Variants in ELAVL3 observed in about 807,000 individuals in gnomAD.
ELAVL3 encodes the protein ELAV like RNA binding protein 3.
Under a neutral mutation model 34.2 loss-of-function variants are expected in ELAVL3, and 8 were observed. That is an observed-to-expected ratio of 0.23 (90% CI 0.14 to 0.42). The LOEUF (loss-of-function observed/expected upper bound fraction) is 0.42, where lower values mean the gene tolerates loss of function less well. Among genes scored for constraint, ELAVL3 ranks in the 10% least tolerant of loss-of-function variants. ELAVL3 has a pLI of 1.00. For missense variants in ELAVL3, 273 were observed against 518.8 expected, an observed-to-expected ratio of 0.53 and a Z score of 4.60; for synonymous variants, 209 against 222.1, an observed-to-expected ratio of 0.94 and a Z score of 0.53.
At chr19:11,472,773 G>A (rs1166175803) in intron 1 of ELAVL3, among the ~76,000 whole-genome samples, 2 of 151,888 alleles carry the variant, frequency 1.3e-5, no homozygotes, top group South Asian at 2.1e-4. Context: ...AAAGGAGAAG[G>A]AGAAGAAGAA....
intron 6 of ELAVL3, 94 bp downstream of exon 6, chr19:11,457,016 G>T: frequency 8.3e-7 from 1 of 1,207,736 alleles, no homozygotes; most frequent in Non-Finnish European, 1.1e-6. Flanking sequence ...AGGCAAACAA[G>T]GCTAAGCCTG....
chr19:11,455,747 A>G (rs1013208024), intron 6 of ELAVL3, among the ~76,000 whole-genome samples: 4 of 152,012 alleles, frequency 2.6e-5, no homozygotes, highest in Non-Finnish European at 5.9e-5. Context: ...TTTTCAAATC[A>G]TATATTTATT....
chr19:11,457,297 C>T, intron 5 of ELAVL3, 149 bp from the exon 6 acceptor site: 2 of 853,986 alleles, frequency 2.3e-6, no homozygotes, highest in Admixed American at 7.1e-5. Flanking sequence ...CGGCTAGACA[C>T]TGCCTGGCAC....
At chr19:11,476,165 GC>G (rs1456272818) in intron 1 of ELAVL3, among the ~76,000 whole-genome samples, 1 of 152,190 alleles carries the variant, frequency 6.6e-6, no homozygotes, top group East Asian at 1.9e-4. Flanking sequence ...GTATTGAGGT[GC>G]CTGTTGTGTG....
At chr19:11,479,960 TC>T (rs1267875828) in intron 1 of ELAVL3, among the ~76,000 whole-genome samples, 3 of 133,842 alleles carry the variant, frequency 2.2e-5, no homozygotes, top group Non-Finnish European at 4.9e-5. Context: ...CCCCTCCCCC[TC>T]CCCGCAGCCC....
rs1270821240 is a variant in ELAVL3, at chr19:11,462,640, A to G, written c.333+3532T>C. ...AACAGAGCAAGATTCCATCTCAGAAAAATAAATAAATTAATTAAGAAATAA... is the reference window on the plus strand; with the variant it reads ...AACAGAGCAAGATTCCATCTCAGAAGAATAAATAAATTAATTAAGAAATAA... On this transcript the variant is annotated intron_variant, in intron 3 of 6. Transcript: ENST00000359227. Among the ~76,000 whole-genome samples the G allele has an allele frequency of 2.1e-5, 3 of 146,286 alleles. No individual in the cohort carries two copies. The East Asian group carries it at 6.3e-4, about 31-fold the overall frequency.
chr19:11,457,389 C>T (rs544133711), intron 5 of ELAVL3, among the ~76,000 whole-genome samples: 1 of 152,372 alleles, frequency 6.6e-6, no homozygotes, highest in South Asian at 2.1e-4. Context: ...CATCCTCCCC[C>T]TCCTGGCTGG....
At chr19:11,472,219 G>A (rs1971177790) in intron 1 of ELAVL3, among the ~76,000 whole-genome samples, 3 of 152,134 alleles carry the variant, frequency 2.0e-5, no homozygotes, top group Non-Finnish European at 2.9e-5. Context: ...GGTAGTGGAC[G>A]CCTGTAATCC....
chr19:11,465,019 A>G (rs1971004838), intron 3 of ELAVL3, among the ~76,000 whole-genome samples: 2 of 130,224 alleles, frequency 1.5e-5, no homozygotes, highest in South Asian at 5.2e-4. Flanking sequence ...ATACATACAC[A>G]TACACACACC....
chr19:11,458,531 C>G lies in ELAVL3; in HGVS notation c.414G>C (p.Gln138His), dbSNP rs1311134575. The G allele has an allele frequency of 6.2e-7, 1 of 1,614,060 alleles. No individual in the cohort carries two copies. The highest frequency in any genetic ancestry group is 8.5e-7 in the Non-Finnish European group (1 of 1,180,048). ...YVSGLPKTMS[Q>H]KEMEQLFSQY... ...GGGAGAAGAGCTGCTCCATCTCTTT[C>G]TGGCTCATGGTCTTGGGGAGCCCGC... Residue 138 changes from glutamine (Q) to histidine (H), a missense_variant, in exon 4 of 7, where the codon CAG (glutamine) becomes CAC (histidine). Gln to His is a conservative substitution (Grantham distance 24, BLOSUM62 0). Coordinates refer to ENST00000359227, the MANE Select transcript of ELAVL3 (RefSeq NM_001420.4). The surrounding 1 kb of genome is among the most constrained non-coding windows in gnomAD (Gnocchi z 7.3).
intron 1 of ELAVL3, among the ~76,000 whole-genome samples, chr19:11,471,202 C>T (rs1971156400): frequency 6.6e-6 from 1 of 151,816 alleles, no homozygotes; most frequent in Non-Finnish European, 1.5e-5. Flanking sequence ...CTCAGCTACT[C>T]AGGAGGCTGA....
At chr19:11,462,752 A>G (rs1467787716) in intron 3 of ELAVL3, among the ~76,000 whole-genome samples, 2 of 151,580 alleles carry the variant, frequency 1.3e-5, no homozygotes, top group Non-Finnish European at 2.9e-5. Flanking sequence ...TGAGGTTGGG[A>G]GTTCGAGACC....
At chr19:11,461,805 G>A (rs1461626364) in intron 3 of ELAVL3, among the ~76,000 whole-genome samples, 1 of 152,070 alleles carries the variant, frequency 6.6e-6, no homozygotes, top group Non-Finnish European at 1.5e-5. Flanking sequence ...TGATAGATAG[G>A]GGTCATTGTC....
At chr19:11,464,891 AC>A (rs144134440) in intron 3 of ELAVL3, among the ~76,000 whole-genome samples, 1 of 46,846 alleles carries the variant, frequency 2.1e-5, no homozygotes, top group East Asian at 1.1e-3. Flanking sequence ...ACATACACAC[AC>A]CACACACACC....
rs1970708514 is a variant in ELAVL3, at chr19:11,453,845, T to G, written c.*681A>C. The G allele has an allele frequency of 6.6e-6, 1 of 151,230 alleles. No individual in the cohort carries two copies. The highest frequency in any genetic ancestry group is 2.1e-4 in the South Asian group (1 of 4,776). 9.4% of individuals were successfully genotyped at this position (151,230 alleles called of 1,614,324 possible). On this transcript the variant is annotated 3_prime_UTR_variant, in exon 7 of 7. Coordinates refer to ENST00000359227, the MANE Select transcript of ELAVL3 (RefSeq NM_001420.4). ...GCCAAAATATTTTCTTTTTTTTTTT[T>G]TGTCTTTTTTTGTGTTTTTTTTTTT... is the stretch of plus-strand genomic sequence containing the variant.
At chr19:11,478,514 T>A (rs1599553731) in intron 1 of ELAVL3, among the ~76,000 whole-genome samples, 1 of 151,184 alleles carries the variant, frequency 6.6e-6, no homozygotes, top group Admixed American at 6.6e-5. Context: ...GATGGGGGGG[T>A]GGCAAAGTCA....
chr19:11,464,123 G>GTCTCTCTCTCTCTGTCTCTCTCTC (rs1970951848), intron 3 of ELAVL3, among the ~76,000 whole-genome samples: 53 of 110,940 alleles, frequency 4.8e-4, no homozygotes, highest in African/African-American at 2.1e-3. Flanking sequence ...GTCTCTCTCT[G>GTCTCTCTCTCTCTGTCTCTCTCTC]TCTCTCTCTC....
chr19:11,477,898 C>T (rs1342495635), intron 1 of ELAVL3, among the ~76,000 whole-genome samples: 1 of 152,000 alleles, frequency 6.6e-6, no homozygotes, highest in Non-Finnish European at 1.5e-5. Context: ...CCATATTGGC[C>T]AGGCTGGTCT....
At chr19:11,457,984 G>A (rs1211663373) in intron 5 of ELAVL3, 77 bp downstream of exon 5, 143 of 1,476,776 alleles carry the variant, frequency 9.7e-5, no homozygotes, top group Non-Finnish European at 1.2e-4. Context: ...CCCTCCCTTC[G>A]GCAGGAATGG....
Sources: gnomAD v4.1 joint callset for allele counts (sites outside exome capture counted in the v4.1 genomes callset) on GRCh38, gnomAD v4.1.1 for gene constraint, Gnocchi (gnomAD v3.1) non-coding constraint, MANE v1.5 for transcripts, NCBI Gene and HGNC (gene_info 2026-07-23, HGNC 2026-07-21) for gene names.